CUX2: variants seen among roughly 807,000 people sequenced by gnomAD.
CUX2 encodes the protein homeobox protein cut-like 2.
A neutral mutation model predicts 144.8 loss-of-function variants in CUX2; 40 were observed. That is an observed-to-expected ratio of 0.28 (90% CI 0.21 to 0.36). CUX2 has a LOEUF of 0.36. Among genes scored for constraint, CUX2 ranks in the 10% least tolerant of loss-of-function variants. The pLI is 1.00. For synonymous variants in CUX2, 827 were observed against 875.6 expected (o/e 0.94, Z 0.98); for missense variants, 1,615 against 1,994.0 (o/e 0.81, Z 3.62).
At chr12:111,199,768 A>G (rs548126319) in intron 1 of CUX2, among the ~76,000 whole-genome samples, 3 of 151,534 alleles carry the variant, frequency 2.0e-5, no homozygotes, top group Non-Finnish European at 4.4e-5. Flanking sequence ...CCCTGTATCT[A>G]TGTTTGTACG....
At chr12:111,291,655 A>G in intron 5 of CUX2, 103 bp downstream of exon 5, 1 of 1,346,418 alleles carries the variant, frequency 7.4e-7, no homozygotes, top group East Asian at 2.7e-5. Context: ...GGGGCAGGGA[A>G]CTGGGCAGGT....
chr12:111,172,510 A>G (rs1878607506), intron 1 of CUX2, among the ~76,000 whole-genome samples: 1 of 152,206 alleles, frequency 6.6e-6, no homozygotes, highest in Non-Finnish European at 1.5e-5. Flanking sequence ...GTGCTGGCCA[A>G]CACTGGCTAC....
chr12:111,254,826 G>A (rs111427818), intron 3 of CUX2, among the ~76,000 whole-genome samples: 2 of 152,010 alleles, frequency 1.3e-5, no homozygotes, highest in Admixed American at 6.6e-5. Flanking sequence ...GGCCAAATGC[G>A]TTAATTCTGT....
intron 1 of CUX2, among the ~76,000 whole-genome samples, chr12:111,134,022 T>C (rs1243110680): frequency 6.6e-6 from 1 of 152,210 alleles, no homozygotes; most frequent in Non-Finnish European, 1.5e-5. Context: ...TGCATTGTAA[T>C]TCAGCCAGTC....
intron 3 of CUX2, among the ~76,000 whole-genome samples, chr12:111,249,883 C>T (rs916990771): frequency 1.3e-5 from 2 of 152,066 alleles, no homozygotes; most frequent in Admixed American, 1.3e-4. Context: ...CTCACATTAG[C>T]GTGTGGTGCA....
At chr12:111,081,715 G>A (rs750399304) in intron 1 of CUX2, among the ~76,000 whole-genome samples, 20 of 152,210 alleles carry the variant, frequency 1.3e-4, no homozygotes, top group Non-Finnish European at 2.4e-4. Context: ...TGGATGCAGC[G>A]GGAATTGGTG....
At chr12:111,044,426 G>C (rs1342758245) in intron 1 of CUX2, among the ~76,000 whole-genome samples, 1 of 149,542 alleles carries the variant, frequency 6.7e-6, no homozygotes, top group Non-Finnish European at 1.5e-5. Flanking sequence ...TGGCCTCCTT[G>C]CTGTGCCTCA....
chr12:111,344,346 AG>A, intron 21 of CUX2, among the ~76,000 whole-genome samples: 1 of 152,236 alleles, frequency 6.6e-6, no homozygotes, highest in Admixed American at 6.5e-5. Flanking sequence ...GCTGTGAAAC[AG>A]GAAGGAACAA....
chr12:111,218,149 A>G (rs1313634203), intron 3 of CUX2, among the ~76,000 whole-genome samples: 1 of 152,176 alleles, frequency 6.6e-6, no homozygotes, highest in Non-Finnish European at 1.5e-5. Flanking sequence ...ACAGAATTCA[A>G]GTCTGATCCC....
chr12:111,282,482 C>T (rs1210212393), intron 4 of CUX2, among the ~76,000 whole-genome samples: 2 of 151,402 alleles, frequency 1.3e-5, no homozygotes, highest in African/African-American at 4.9e-5. Context: ...CAAAATTAGT[C>T]AGGTGTGGTG....
intron 1 of CUX2, among the ~76,000 whole-genome samples, chr12:111,086,265 T>G (rs1451236256): frequency 6.6e-6 from 1 of 152,204 alleles, no homozygotes; most frequent in East Asian, 1.9e-4. Flanking sequence ...AGTTCAGAAC[T>G]TAAGATGAAG....
chr12:111,244,075 G>A (rs7956624), intron 3 of CUX2, among the ~76,000 whole-genome samples: 6,853 of 152,068 alleles, frequency 0.045, 537 homozygotes, highest in African/African-American at 0.15. Context: ...GACTGGTCTG[G>A]GTTATTAGCT....
Position 111,320,549 on chromosome 12 carries a change from C to A in CUX2, c.2540C>A (p.Pro847His). Residue 847 changes from proline to histidine, a missense_variant, in exon 17 of 22, where the codon CCC (proline) becomes CAC (histidine). Coordinates refer to ENST00000261726, the MANE Select transcript of CUX2 (RefSeq NM_015267.4). The surrounding 1 kb of genome is among the most constrained non-coding windows in gnomAD (Gnocchi z 8.1). ...GCGGCAGGGGCGGAGGACGAACCCC[C>A]CAGGACGGGCGAGCTCAAGGCTGAG... The part of the protein sequence containing the change: ...EAAAGAEDEP[P>H]RTGELKAEGA... The A allele has an allele frequency of 6.5e-7, 1 of 1,540,924 alleles. No individual in the cohort carries two copies. The highest frequency in any genetic ancestry group is 8.7e-7 in the Non-Finnish European group (1 of 1,151,520).
At chr12:111,217,436 G>A (rs1010195091) in intron 2 of CUX2, among the ~76,000 whole-genome samples, 7 of 152,280 alleles carry the variant, frequency 4.6e-5, no homozygotes, top group South Asian at 4.1e-4. Context: ...AGCCCCGGGC[G>A]ACACCTTGAA....
chr12:111,153,044 A>C (rs926230887), intron 1 of CUX2, among the ~76,000 whole-genome samples: 1 of 152,148 alleles, frequency 6.6e-6, no homozygotes, highest in Non-Finnish European at 1.5e-5. Context: ...AGCTGGAGCA[A>C]ACCTTTCTTT....
intron 1 of CUX2, among the ~76,000 whole-genome samples, chr12:111,150,684 T>C (rs906238765): frequency 1.3e-5 from 2 of 151,698 alleles, no homozygotes; most frequent in Admixed American, 1.3e-4. Flanking sequence ...CCAGCGCCTA[T>C]TTCTGTGGCT....
chr12:111,046,286 C>T (rs1053495209), intron 1 of CUX2, among the ~76,000 whole-genome samples: 2 of 152,258 alleles, frequency 1.3e-5, no homozygotes, highest in Non-Finnish European at 2.9e-5. Context: ...GCGGAGAGAC[C>T]AGTGCAGGCC....
In CUX2 at chr12:111,077,686, G is replaced by GC. The variant is rs1297079799; in HGVS notation, c.63+43448dup. On this transcript the variant is annotated intron_variant, in intron 1 of 21. Transcript: ENST00000261726. This position sits in a 1 kb window ranked among gnomAD's most constrained non-coding sequence, Gnocchi z 4.1. ...GTTGCATTGTGGAGACAGGATGGAGGCCAGCTTTATTTACAAGAGTGTTTG... is the reference window on the plus strand; with the variant it reads ...GTTGCATTGTGGAGACAGGATGGAGGCCCAGCTTTATTTACAAGAGTGTTTG... Among the ~76,000 whole-genome samples, 1 of 152,114 alleles carries GC rather than the reference G, an allele frequency of 6.6e-6. No individual in the cohort carries two copies. The highest frequency in any genetic ancestry group is 1.5e-5 in the Non-Finnish European group (1 of 68,032).
intron 1 of CUX2, among the ~76,000 whole-genome samples, chr12:111,105,026 C>G (rs112613422): frequency 8.1e-4 from 123 of 152,340 alleles, no homozygotes; most frequent in African/African-American, 2.9e-3. Flanking sequence ...CCCAGGCATG[C>G]CTTATAACCT....
Sources: gnomAD v4.1 joint callset for allele counts (sites outside exome capture counted in the v4.1 genomes callset) on GRCh38, gnomAD v4.1.1 for gene constraint, Gnocchi (gnomAD v3.1) non-coding constraint, MANE v1.5 for transcripts, NCBI Gene and HGNC (gene_info 2026-07-23, HGNC 2026-07-21) for gene names.